Variants in ABCC3 observed in about 807,000 individuals in gnomAD.
ABCC3 encodes the protein ATP-binding cassette sub-family C member 3.
Under a neutral mutation model 165.3 loss-of-function variants are expected in ABCC3, and 121 were observed. The observed-to-expected ratio is 0.73, with a 90% confidence interval of 0.63 to 0.85. ABCC3 has a LOEUF of 0.85. Ranked by LOEUF, ABCC3 falls within the 40% of genes least tolerant of loss-of-function variation. The pLI, the probability that ABCC3 is intolerant of heterozygous loss-of-function variation, is 0.00. For synonymous variants in ABCC3, 733 were observed against 810.1 expected, an observed-to-expected ratio of 0.90 and a Z score of 1.62; for missense variants, 1,869 against 1,964.1, an observed-to-expected ratio of 0.95 and a Z score of 0.92.
chr17:50,675,275 C>G (rs754612165), intron 19 of ABCC3, 87 bp from the exon 20 acceptor site: 18 of 910,048 alleles, frequency 2.0e-5, no homozygotes, highest in Non-Finnish European at 2.8e-5. Context: ...CATTGAACCC[C>G]TTTCATTAGA....
At chr17:50,675,087 C>A (rs1274634761) in intron 19 of ABCC3, among the ~76,000 whole-genome samples, 1 of 152,158 alleles carries the variant, frequency 6.6e-6, no homozygotes, top group African/African-American at 2.4e-5. Flanking sequence ...CGTGAGCCAC[C>A]ATGCCCGACC....
At chr17:50,684,210 G>A in intron 28 of ABCC3, 103 bp downstream of exon 28, 1 of 1,432,168 alleles carries the variant, frequency 7.0e-7, no homozygotes. Context: ...CAGTCTCAGA[G>A]GCTTGGGCAG....
At chr17:50,680,962 G>A (rs947192020) in intron 26 of ABCC3, among the ~76,000 whole-genome samples, 6 of 152,088 alleles carry the variant, frequency 3.9e-5, no homozygotes, top group African/African-American at 1.4e-4. Context: ...TGTATTCCCA[G>A]CTACTTGGGA....
At chr17:50,666,333 T>C (rs1567832371) in intron 11 of ABCC3, among the ~76,000 whole-genome samples, 1 of 152,092 alleles carries the variant, frequency 6.6e-6, no homozygotes, top group Non-Finnish European at 1.5e-5. Flanking sequence ...TAGCCGGGCA[T>C]GGTGGCACAT....
intron 1 of ABCC3, among the ~76,000 whole-genome samples, chr17:50,650,695 T>A: frequency 6.6e-6 from 1 of 152,218 alleles, no homozygotes; most frequent in East Asian, 1.9e-4. Context: ...TTCCTTTTTC[T>A]TACCTTCCTT....
At chr17:50,676,233 G>T (rs200256965) in intron 22 of ABCC3, 45 bp from the exon 23 acceptor site, 4 of 1,591,600 alleles carry the variant, frequency 2.5e-6, no homozygotes, top group Non-Finnish European at 2.6e-6. Context: ...CTTTGTGCCC[G>T]CTCACTAGTC....
intron 2 of ABCC3, 118 bp from the exon 3 acceptor site, chr17:50,656,584 A>G: frequency 7.3e-7 from 1 of 1,375,346 alleles, no homozygotes; most frequent in Non-Finnish European, 9.9e-7. Context: ...CCCAGACCTC[A>G]GTGCCAGTCC....
In ABCC3 at chr17:50,683,957, CG is replaced by C; in HGVS notation, c.3964del (p.Val1322TrpfsTer11). The C allele has an allele frequency of 6.2e-7, 1 of 1,613,038 alleles. No individual in the cohort carries two copies. The highest frequency in any genetic ancestry group is 1.1e-5 in the South Asian group (1 of 91,034). ...HVHGGEKVGI[V>X]GRTGAGKSSM... Reference sequence around the variant, plus strand: ...TTCCCTTCTCCGCCCAGGTGGGGATCGTGGGCCGCACTGGGGCTGGCAAGTC... The same window carrying C: ...TTCCCTTCTCCGCCCAGGTGGGGATCTGGGCCGCACTGGGGCTGGCAAGTC... On this transcript the variant is annotated frameshift_variant, in exon 28 of 31. Transcript: ENST00000285238. LOFTEE classifies it high-confidence loss of function.
intron 16 of ABCC3, 36 bp from the exon 17 acceptor site, chr17:50,669,316 T>C (rs760603466): frequency 1.2e-6 from 2 of 1,614,130 alleles, no homozygotes; most frequent in South Asian, 2.2e-5. Flanking sequence ...AGCCAGGCCT[T>C]GGGCAAGCCC....
rs779954762 is a variant in ABCC3 at position 50,667,614 on chromosome 17, A to G, written c.1492A>G (p.Ile498Val). The G allele has an allele frequency of 7.4e-6, 12 of 1,614,078 alleles. No individual in the cohort carries two copies. In the East Asian group the frequency reaches 1.6e-4, roughly 21 times the overall value. The stretch of plus-strand genomic sequence containing the variant: ...GCTGATGAGTGAGATCCTGAACGGC[A>G]TCAAGGTGCTGAAGCTGTACGCCTG... ...IKLMSEILNG[I>V]KVLKLYAWEP... The change falls in exon 12 of 31, where the codon ATC becomes GTC. Residue 498 changes from isoleucine (I) to valine (V), a missense_variant. Physicochemically the swap from Ile to Val is conservative, Grantham distance 29. Coordinates refer to ENST00000285238, the MANE Select transcript of ABCC3 (RefSeq NM_003786.4).
intron 17 of ABCC3, 139 bp downstream of exon 17, chr17:50,669,667 C>G (rs1354666190): frequency 4.7e-5 from 41 of 870,896 alleles, no homozygotes; most frequent in Non-Finnish European, 6.5e-5. Context: ...ACTGGGGAAA[C>G]AGATCTATTA....
intron 1 of ABCC3, chr17:50,635,735 C>T (rs8070592): frequency 0.72 from 452,371 of 628,296 alleles, 164,675 homozygotes; most frequent in East Asian, 0.95. Flanking sequence ...AAACAGGCTA[C>T]AGGCCAGGTG....
At chr17:50,644,925 G>A (rs1442920490) in intron 1 of ABCC3, among the ~76,000 whole-genome samples, 1 of 152,198 alleles carries the variant, frequency 6.6e-6, no homozygotes, top group Non-Finnish European at 1.5e-5. Context: ...GGCTGAGGCA[G>A]GAGAATGGCG....
Position 50,663,842 on chromosome 17 carries a change from G to T in ABCC3, c.1160G>T (p.Gly387Val). ...TGVKFRTGIM[G>V]VIYRKALVIT... ...GTGAAGTTTCGTACTGGGATCATGG[G>T]TGTCATCTACAGGAAGGTCAGCTGG... The change falls in exon 9 of 31, where the codon GGT (glycine) becomes GTT (valine). Residue 387 changes from glycine to valine, a missense_variant. Physicochemically the swap from Gly to Val is moderately radical, Grantham distance 109 (BLOSUM62 -3). Coordinates refer to ENST00000285238, the MANE Select transcript of ABCC3 (RefSeq NM_003786.4). The T allele has an allele frequency of 6.2e-7, 1 of 1,614,200 alleles. No individual in the cohort carries two copies. Among genetic ancestry groups the T allele is most frequent in the Non-Finnish European group, 8.5e-7 (1 of 1,180,034 alleles).
At chr17:50,658,983 C>A (rs1182434536) in intron 6 of ABCC3, among the ~76,000 whole-genome samples, 1 of 152,112 alleles carries the variant, frequency 6.6e-6, no homozygotes, top group Non-Finnish European at 1.5e-5. Flanking sequence ...ATCACCAGGG[C>A]CTGGGGTGGG....
chr17:50,655,661 G>T (rs1967223414), intron 1 of ABCC3, among the ~76,000 whole-genome samples, 171 bp from the exon 2 acceptor site: 1 of 152,102 alleles, frequency 6.6e-6, no homozygotes. Context: ...CGTCCTTGGA[G>T]AATTCACACT....
chr17:50,645,045 AC>A (rs1966976251), intron 1 of ABCC3, among the ~76,000 whole-genome samples: 1 of 150,796 alleles, frequency 6.6e-6, no homozygotes, highest in Non-Finnish European at 1.5e-5. Flanking sequence ...AAAACAGAAA[AC>A]AAAAATTAGC....
In ABCC3 at chr17:50,661,022, C is replaced by T; in HGVS notation, c.906C>T (p.Ala302=). 1 of 1,614,206 alleles carries T rather than the reference C, an allele frequency of 6.2e-7. No homozygotes were observed. The highest frequency in any genetic ancestry group is 2.2e-5 in the East Asian group (1 of 44,880). ...CCCGGAAGCCCTCCTTCCTGAAGGC[C>T]CTGCTGGCCACCTTCGGCTCCAGCT... ...PRPRKPSFLK[A]LLATFGSSFL... is the part of the protein sequence containing the mutation. The change falls in exon 8 of 31, where the codon GCC becomes GCT. Residue 302 remains alanine (A), a synonymous_variant. Transcript: ENST00000285238.
chr17:50,668,122 G>T, intron 13 of ABCC3, 113 bp downstream of exon 13: 1 of 963,066 alleles, frequency 1.0e-6, no homozygotes, highest in Non-Finnish European at 1.6e-6. Context: ...TTCAGGGAAG[G>T]TTGCTAGCAT....
Sources: gnomAD v4.1 joint callset for allele counts (sites outside exome capture counted in the v4.1 genomes callset) on GRCh38, gnomAD v4.1.1 for gene constraint, MANE v1.5 for transcripts, NCBI Gene and HGNC (gene_info 2026-07-23, HGNC 2026-07-21) for gene names.